The following HIVEP1 variants were observed in gnomAD, a reference collection of about 807,000 sequenced individuals.
The protein encoded by HIVEP1 is HIVEP zinc finger 1.
A neutral mutation model predicts 180.0 loss-of-function variants in HIVEP1; 36 were observed. That is an observed-to-expected ratio of 0.20 (90% CI 0.15 to 0.26). HIVEP1 has a LOEUF of 0.26. Among genes scored for constraint, HIVEP1 ranks in the 10% least tolerant of loss-of-function variants. HIVEP1 has a pLI of 1.00. For synonymous variants in HIVEP1, 1,239 were observed against 1,239.0 expected (o/e 1.00, Z 0.00); for missense variants, 3,143 against 3,268.7 (o/e 0.96, Z 0.94).
rs1489428743 is a variant in HIVEP1 at position 12,062,852 on chromosome 6, C to G, written c.41-26332C>G. 2.0e-5 allele frequency among the ~76,000 whole-genome samples: 3 copies of G among 152,292 alleles called. No individual in the cohort carries two copies. In the East Asian group the frequency reaches 5.8e-4, roughly 29 times the overall value. On this transcript the variant is annotated intron_variant, in intron 2 of 8. Transcript: ENST00000379388. ...TTGCGTATTGAAAGTATAGTGTAGT[C>G]TGGCATAGTGGGAAAAGCTTTCTGT...
At chr6:12,048,703 T>G (rs746111127) in intron 2 of HIVEP1, among the ~76,000 whole-genome samples, 27 of 152,244 alleles carry the variant, frequency 1.8e-4, no homozygotes, top group Non-Finnish European at 3.7e-4. Flanking sequence ...TGTCTCCTTT[T>G]TAGTATTACT....
intron 3 of HIVEP1, among the ~76,000 whole-genome samples, chr6:12,107,036 C>CTATG (rs1774472413): frequency 6.6e-6 from 1 of 152,118 alleles, no homozygotes; most frequent in East Asian, 1.9e-4. Context: ...AACATACTTT[C>CTATG]TATGTCCTCT....
At chr6:12,205,193 T>C in the HIVEP1 span, among the ~76,000 whole-genome samples, 1 of 152,112 alleles carries the variant, frequency 6.6e-6, no homozygotes, top group Non-Finnish European at 1.5e-5. Flanking sequence ...ACAAAGCGGC[T>C]GGGCGCGGTG....
At chr6:12,191,778 A>T in the HIVEP1 span, among the ~76,000 whole-genome samples, 2 of 152,234 alleles carry the variant, frequency 1.3e-5, no homozygotes, top group Admixed American at 1.3e-4. Context: ...TGCTTTTCAT[A>T]TTTTAAACTA....
intron 3 of HIVEP1, among the ~76,000 whole-genome samples, chr6:12,091,484 T>A (rs1313509437): frequency 2.0e-5 from 3 of 152,142 alleles, no homozygotes; most frequent in Non-Finnish European, 2.9e-5. Flanking sequence ...ACTAATTTAT[T>A]TTCAGAAGTA....
intron 2 of HIVEP1, chr6:12,020,381 C>T (rs912824057): frequency 2.1e-6 from 1 of 471,058 alleles, no homozygotes; most frequent in Non-Finnish European, 4.4e-6. Context: ...GGAGAAGGGT[C>T]ACTGGACTGC....
At chr6:12,188,614 T>A in the HIVEP1 span, among the ~76,000 whole-genome samples, 1 of 152,052 alleles carries the variant, frequency 6.6e-6, no homozygotes, top group Non-Finnish European at 1.5e-5. Flanking sequence ...ACACCACTTA[T>A]AATAGCTATA....
chr6:12,176,988 A>G, the HIVEP1 span, among the ~76,000 whole-genome samples: 1 of 152,372 alleles, frequency 6.6e-6, no homozygotes, highest in South Asian at 2.1e-4. Flanking sequence ...CAGCCATGAA[A>G]AAGAACGAGA....
At chr6:12,085,318 C>G (rs937178931) in intron 2 of HIVEP1, among the ~76,000 whole-genome samples, 1 of 151,842 alleles carries the variant, frequency 6.6e-6, no homozygotes, top group African/African-American at 2.4e-5. Context: ...GTGGGAGGCA[C>G]CTTCAGGGAA....
chr6:12,077,412 A>T (rs4552724), intron 2 of HIVEP1, among the ~76,000 whole-genome samples: 5 of 152,174 alleles, frequency 3.3e-5, no homozygotes, highest in African/African-American at 9.7e-5. Context: ...TGGGTGCTCT[A>T]GTGCCATGGG....
chr6:12,090,385 G>T (rs1773389986), intron 3 of HIVEP1, among the ~76,000 whole-genome samples: 1 of 152,106 alleles, frequency 6.6e-6, no homozygotes, highest in Admixed American at 6.5e-5. Flanking sequence ...TACTGAGCAG[G>T]TATCTGTAGG....
chr6:12,123,045 A>G lies in HIVEP1; in HGVS notation c.3250A>G (p.Lys1084Glu), dbSNP rs776115352. Residue 1084 changes from lysine to glutamate, a missense_variant, in exon 4 of 9, where the codon AAA becomes GAA. Lys to Glu is a moderately conservative substitution (Grantham distance 56, BLOSUM62 1). Coordinates refer to ENST00000379388, the MANE Select transcript of HIVEP1 (RefSeq NM_002114.4). ...TACCATAAGAAGTGACCAGCAGCAT[A>G]AAAATATACAGTTGCAAAACTCCCA... ...NVTIRSDQQH[K>E]NIQLQNSHIH... 6.2e-7 allele frequency: 1 copy of G among 1,614,200 alleles called. No individual in the cohort carries two copies. The highest frequency in any genetic ancestry group is 8.5e-7 in the Non-Finnish European group (1 of 1,180,016).
At chr6:12,159,539 C>T (rs776060594) in intron 7 of HIVEP1, among the ~76,000 whole-genome samples, 7 of 152,106 alleles carry the variant, frequency 4.6e-5, no homozygotes, top group Admixed American at 6.5e-5. Context: ...GGCGGAGGCT[C>T]GTTGTGGGCA....
At chr6:12,039,925 G>A (rs1214380226) in intron 2 of HIVEP1, among the ~76,000 whole-genome samples, 2 of 152,186 alleles carry the variant, frequency 1.3e-5, no homozygotes, top group Non-Finnish European at 2.9e-5. Flanking sequence ...CGGAGTTCAG[G>A]CAGGGCGGGC....
intron 3 of HIVEP1, among the ~76,000 whole-genome samples, chr6:12,092,238 A>G (rs2113346256): frequency 6.6e-6 from 1 of 152,270 alleles, no homozygotes; most frequent in African/African-American, 2.4e-5. Flanking sequence ...GTCCTTTTAA[A>G]AAACAATTAT....
At chr6:12,177,675 C>G in the HIVEP1 span, among the ~76,000 whole-genome samples, 1 of 152,142 alleles carries the variant, frequency 6.6e-6, no homozygotes, top group East Asian at 1.9e-4. Context: ...TAATAACTGA[C>G]AATCAAATGT....
chr6:12,009,471 CT>C (rs1378009450), upstream of HIVEP1, among the ~76,000 whole-genome samples: 1 of 152,218 alleles, frequency 6.6e-6, no homozygotes. Context: ...GGAGCCCCCT[CT>C]TTTTTGGGGG....
intron 2 of HIVEP1, among the ~76,000 whole-genome samples, chr6:12,055,655 G>T (rs1299837088): frequency 6.6e-6 from 1 of 152,082 alleles, no homozygotes; most frequent in Non-Finnish European, 1.5e-5. Context: ...CTTTTGGTTG[G>T]ATATTTGATT....
In HIVEP1 at chr6:12,121,633, T is replaced by C; in HGVS notation, c.1838T>C (p.Val613Ala). The change falls in exon 4 of 9, where the codon GTC (valine) becomes GCC (alanine). Residue 613 changes from valine to alanine, a missense_variant. Val to Ala is a moderately conservative substitution (Grantham distance 64). Coordinates refer to ENST00000379388, the MANE Select transcript of HIVEP1 (RefSeq NM_002114.4). The surrounding 1 kb of genome is among the most constrained non-coding windows in gnomAD (Gnocchi z 5.3). ...TCAGCCAACATGTCCCAGGGTGGAG[T>C]CTCCAGGTTGGAGACTAATGAGAAT... ...PLSANMSQGG[V>A]SRLETNENSH... 6.2e-7 allele frequency: 1 copy of C among 1,612,108 alleles called. No homozygotes were observed. The highest frequency in any genetic ancestry group is 8.5e-7 in the Non-Finnish European group (1 of 1,179,512).
Sources: gnomAD v4.1 joint callset for allele counts (sites outside exome capture counted in the v4.1 genomes callset) on GRCh38, gnomAD v4.1.1 for gene constraint, Gnocchi (gnomAD v3.1) non-coding constraint, MANE v1.5 for transcripts, NCBI Gene and HGNC (gene_info 2026-07-23, HGNC 2026-07-21) for gene names.